Variants in ZNF66 observed in about 807,000 individuals in gnomAD.
The protein encoded by ZNF66 is putative zinc finger protein 66.
ZNF66 carries 32 observed loss-of-function variants against 35.2 expected under a neutral mutation model. The observed-to-expected ratio is 0.91, with a 90% CI of 0.69 to 1.22. The LOEUF is 1.22. Ranked by LOEUF, ZNF66 falls within the 50% of genes most tolerant of loss-of-function variation. ZNF66 has a pLI of 0.00. For missense variants in ZNF66, 666 were observed against 543.1 expected (o/e 1.23, Z -2.25); for synonymous variants, 231 against 181.3 (o/e 1.27, Z -2.20).
At chr19:20,798,660 C>G (rs749289271) in intron 3 of ZNF66, among the ~76,000 whole-genome samples, 15 of 152,022 alleles carry the variant, frequency 9.9e-5, no homozygotes, top group Non-Finnish European at 1.9e-4. Flanking sequence ...AACTCAATGC[C>G]CATTAAGTAA....
rs552841167 is a variant in ZNF66, at chr19:20,808,887, C to G, written c.*1565C>G. Among the ~76,000 whole-genome samples, 70 of 152,114 alleles carry G rather than the reference C, an allele frequency of 4.6e-4. 1 individual carries two copies. Among genetic ancestry groups the G allele is most frequent in the Middle Eastern group, 6.8e-3 (2 of 294 alleles). ...TTGAGAGAAGAAGGCTTCAGACGAT[C>G]AAACTACTCCGAGCTACAGGAGGAA... On this transcript the variant is annotated 3_prime_UTR_variant, in exon 4 of 4. Coordinates refer to ENST00000344519, the MANE Select transcript of ZNF66 (RefSeq NM_001355197.2).
intron 3 of ZNF66, among the ~76,000 whole-genome samples, chr19:20,796,528 T>C (rs1404418035): frequency 6.6e-6 from 1 of 152,226 alleles, no homozygotes; most frequent in Non-Finnish European, 1.5e-5. Flanking sequence ...ATAGTTTATT[T>C]CTCAATATTT....
chr19:20,794,727 T>G (rs1971374856), intron 3 of ZNF66: 3 of 152,014 alleles, frequency 2.0e-5, no homozygotes, highest in African/African-American at 7.2e-5. Context: ...ATAGTTTGTT[T>G]TAAGTGTAAG....
In ZNF66 at chr19:20,806,958, A is replaced by T. The variant is rs1387081356; in HGVS notation, c.1358A>T (p.Tyr453Phe). ...HKIIHTGEKP[Y>F]ECEDCGKAFN... ...ATAATTCACACTGGAGAGAAACCCT[A>T]CGAATGTGAAGACTGTGGCAAAGCC... The change falls in exon 4 of 4, where the codon TAC (tyrosine) becomes TTC (phenylalanine). Residue 453 changes from tyrosine (Y) to phenylalanine (F), a missense_variant. Tyr to Phe is a conservative substitution (Grantham distance 22). Transcript: ENST00000344519. The T allele has an allele frequency of 8.9e-7, 1 of 1,125,616 alleles. No homozygotes were observed. The highest frequency in any genetic ancestry group is 1.5e-5 in the African/African-American group (1 of 66,076). 69.7% of individuals were successfully genotyped at this position (1,125,616 alleles called of 1,614,324 possible). A position where few individuals can be genotyped will look rare whatever the true frequency, so the allele number is the denominator to read the frequency against.
At chr19:20,798,933 C>G (rs379677) in intron 3 of ZNF66, 14,118 of 151,902 alleles carry the variant, frequency 0.093, 658 homozygotes, top group Middle Eastern at 0.11. Context: ...GAGATATATG[C>G]TGGTTTAGCC....
At chr19:20,797,857 T>C (rs1971410333) in intron 3 of ZNF66, among the ~76,000 whole-genome samples, 1 of 152,170 alleles carries the variant, frequency 6.6e-6, no homozygotes. Context: ...CCACTGCACC[T>C]GGCCTCAGTG....
rs998206608 is a variant in ZNF66, at chr19:20,807,697, C to T, written c.*375C>T. Among the ~76,000 whole-genome samples, 1 of 151,836 alleles carries T rather than the reference C, an allele frequency of 6.6e-6. No homozygotes were observed. The highest frequency in any genetic ancestry group is 6.6e-5 in the Admixed American group (1 of 15,236). ...CCGGGTTCAAGCCATTTTCCTGCCT[C>T]AGCTTGTCTAGTAGATGAGATTATG... is the stretch of plus-strand genomic sequence containing the variant. On this transcript the variant is annotated 3_prime_UTR_variant, in exon 4 of 4. Transcript: ENST00000344519.
intron 3 of ZNF66, among the ~76,000 whole-genome samples, chr19:20,800,249 C>T (rs886545394): frequency 3.9e-5 from 6 of 152,012 alleles, no homozygotes; most frequent in Non-Finnish European, 8.8e-5. Flanking sequence ...ACTTTTGGCC[C>T]CAGTGGATCT....
chr19:20,807,345 CATAAG>C lies in ZNF66; in HGVS notation c.*28_*32del, dbSNP rs1971532239. On this transcript the variant is annotated 3_prime_UTR_variant, in exon 4 of 4. Coordinates refer to ENST00000344519, the MANE Select transcript of ZNF66 (RefSeq NM_001355197.2). ...TAGACACTCCTCTACCCTTACTAGA[CATAAG>C]ATAATTCATACTGGAGAGAAACCCT... The C allele has an allele frequency of 8.3e-6, 5 of 599,884 alleles. No individual in the cohort carries two copies. In the Admixed American group the frequency reaches 8.8e-5, roughly 11 times the overall value. 37.2% of individuals were successfully genotyped at this position (599,884 alleles called of 1,614,324 possible).
At chr19:20,780,232 GTGTT>G (rs1268099129) in intron 1 of ZNF66, among the ~76,000 whole-genome samples, 3 of 152,164 alleles carry the variant, frequency 2.0e-5, no homozygotes, top group South Asian at 2.1e-4. Context: ...AATGGGAAGA[GTGTT>G]TGTTTGCATA....
At chr19:20,798,629 CTT>C (rs1296557424) in intron 3 of ZNF66, among the ~76,000 whole-genome samples, 3 of 152,168 alleles carry the variant, frequency 2.0e-5, no homozygotes, top group Non-Finnish European at 2.9e-5. Context: ...CTTCTAGAAA[CTT>C]TACATCTTGT....
chr19:20,786,614 C>A (rs1971289474), intron 1 of ZNF66, among the ~76,000 whole-genome samples: 1 of 152,156 alleles, frequency 6.6e-6, no homozygotes, highest in Non-Finnish European at 1.5e-5. Context: ...AAATGCAAGT[C>A]CTTTTGGTTA....
At chr19:20,788,193 C>T (rs1238616833) in intron 1 of ZNF66, among the ~76,000 whole-genome samples, 1 of 152,096 alleles carries the variant, frequency 6.6e-6, no homozygotes, top group Non-Finnish European at 1.5e-5. Context: ...AAACTAGTTG[C>T]TTCAATTTCA....
At chr19:20,776,549 C>T in intron 1 of ZNF66, 99 bp downstream of exon 1, 1 of 1,403,820 alleles carries the variant, frequency 7.1e-7, no homozygotes, top group South Asian at 1.2e-5. Context: ...CCGAATTCTC[C>T]TTACCCAGCT....
chr19:20,789,901 A>G (rs914842295), intron 1 of ZNF66, among the ~76,000 whole-genome samples: 2 of 152,192 alleles, frequency 1.3e-5, no homozygotes, highest in Non-Finnish European at 2.9e-5. Flanking sequence ...TTTAAAATAC[A>G]GACTTATTCA....
At chr19:20,801,018 T>C (rs1971442586) in intron 3 of ZNF66, among the ~76,000 whole-genome samples, 1 of 152,142 alleles carries the variant, frequency 6.6e-6, no homozygotes, top group South Asian at 2.1e-4. Context: ...TATACACATA[T>C]ACATATAGAT....
At position 20,807,994 on chromosome 19, in the gene ZNF66, T is replaced by C. The variant is rs6511165; in HGVS notation, c.*672T>C. 0.77 allele frequency among the ~76,000 whole-genome samples: 117,301 copies of C among 151,880 alleles called. 45,735 individuals carry two copies. Among genetic ancestry groups the C allele is most frequent in the Non-Finnish European group, 0.83 (56,228 of 67,946 alleles). On this transcript the variant is annotated 3_prime_UTR_variant, in exon 4 of 4. Coordinates refer to ENST00000344519, the MANE Select transcript of ZNF66 (RefSeq NM_001355197.2). ...GGGTGACAGATGGCACCTGGAAAAT[T>C]GGGTTACTCCCACCCTAATACTGCG...
In ZNF66 at chr19:20,809,745, A is replaced by G. The variant is rs573450596; in HGVS notation, c.*2423A>G. Among the ~76,000 whole-genome samples, 11 of 152,294 alleles carry G rather than the reference A, an allele frequency of 7.2e-5. No homozygotes were observed. The highest frequency in any genetic ancestry group is 2.2e-4 in the African/African-American group (9 of 41,568). Reference sequence around the variant, plus strand: ...AAAATCATGCCAAAATGTAAAGACCATCGAGACTAGGAAGAAACTGCATGA... The same window carrying G: ...AAAATCATGCCAAAATGTAAAGACCGTCGAGACTAGGAAGAAACTGCATGA... On this transcript the variant is annotated 3_prime_UTR_variant, in exon 4 of 4. Transcript: ENST00000344519.
Position 20,776,304 on chromosome 19 carries a change from G to A in ZNF66, c.-144G>A, listed in dbSNP as rs1971192268. The A allele has an allele frequency of 7.3e-7, 1 of 1,362,672 alleles. No homozygotes were observed. Among genetic ancestry groups the A allele is most frequent in the African/African-American group, 1.4e-5 (1 of 69,856 alleles). 84.4% of individuals were successfully genotyped at this position (1,362,672 alleles called of 1,614,324 possible). The stretch of plus-strand genomic sequence containing the variant: ...GGCTTCCGGATTTGGCGGGGTCTTT[G>A]TCTCTCCCTGCAGCTGGAGCTCCAG... On this transcript the variant is annotated 5_prime_UTR_variant, in exon 1 of 4. Transcript: ENST00000344519.
Sources: gnomAD v4.1 joint callset for allele counts (sites outside exome capture counted in the v4.1 genomes callset) on GRCh38, gnomAD v4.1.1 for gene constraint, MANE v1.5 for transcripts, NCBI Gene and HGNC (gene_info 2026-07-23, HGNC 2026-07-21) for gene names.